MTUS2: variants seen among roughly 807,000 people sequenced by gnomAD.
MTUS2 encodes microtubule associated scaffold protein 2, also known as microtubule-associated tumor suppressor candidate 2.
MTUS2 carries 40 observed loss-of-function variants against 114.1 expected under a neutral mutation model. The observed-to-expected ratio is 0.35, with a 90% CI of 0.27 to 0.46. The LOEUF is 0.46. Ranked by LOEUF, MTUS2 falls within the 20% of genes least tolerant of loss-of-function variation. The pLI is 1.00. For missense variants in MTUS2, 1,679 were observed against 1,705.4 expected (o/e 0.98, Z 0.27); for synonymous variants, 688 against 672.0 (o/e 1.02, Z -0.37).
chr13:29,128,659 T>G (rs1891621675), intron 5 of MTUS2, among the ~76,000 whole-genome samples: 1 of 152,168 alleles, frequency 6.6e-6, no homozygotes, highest in Non-Finnish European at 1.5e-5. Flanking sequence ...ATGGTGGCAT[T>G]TGGGGTAATT....
chr13:29,147,995 T>A (rs1271050565), intron 5 of MTUS2, among the ~76,000 whole-genome samples: 1 of 152,226 alleles, frequency 6.6e-6, no homozygotes, highest in Non-Finnish European at 1.5e-5. Context: ...AGTTCTGTTT[T>A]CAGTTCTTTG....
chr13:29,084,789 C>CCG (rs1565999317), intron 4 of MTUS2, among the ~76,000 whole-genome samples: 1 of 113,186 alleles, frequency 8.8e-6, no homozygotes, highest in Admixed American at 8.6e-5. Flanking sequence ...CCACCCCCCC[C>CCG]CCTCACCGTT....
chr13:29,108,743 A>G (rs992540395), intron 5 of MTUS2, among the ~76,000 whole-genome samples: 1 of 152,216 alleles, frequency 6.6e-6, no homozygotes, highest in African/African-American at 2.4e-5. Context: ...GGAAGGGGGA[A>G]GTATCCATGC....
chr13:29,304,678 GA>G (rs1196540838), intron 6 of MTUS2, among the ~76,000 whole-genome samples: 2 of 152,066 alleles, frequency 1.3e-5, no homozygotes, highest in African/African-American at 4.8e-5. Context: ...AACTCCCACA[GA>G]ATAATAGTGG....
rs535820908 is a variant in MTUS2 at position 28,927,386 on chromosome 13, C to A, written c.-243+87536C>A. On this transcript the variant is annotated intron_variant, in intron 2 of 15. Transcript: ENST00000612955. ...GACCACCCTGGGCAACATAGCAGGA[C>A]CCTGTCTCTAAAAAAAAAGAAAAGA... 2.6e-5 allele frequency among the ~76,000 whole-genome samples: 4 copies of A among 151,846 alleles called. No individual in the cohort carries two copies. The South Asian group carries it at 8.3e-4, about 32-fold the overall frequency.
chr13:28,909,233 A>C (rs1192505070), intron 2 of MTUS2, among the ~76,000 whole-genome samples: 1 of 151,446 alleles, frequency 6.6e-6, no homozygotes, highest in Non-Finnish European at 1.5e-5. Flanking sequence ...GTAGCAAGTC[A>C]TTGGTAGCTT....
intron 4 of MTUS2, among the ~76,000 whole-genome samples, chr13:29,068,433 A>G (rs1888760342): frequency 6.9e-6 from 1 of 144,680 alleles, no homozygotes; most frequent in Admixed American, 7.1e-5. Context: ...CACAGGTGTA[A>G]TAAATATTTC....
intron 4 of MTUS2, among the ~76,000 whole-genome samples, chr13:29,083,356 G>C (rs1296057328): frequency 6.6e-6 from 1 of 152,192 alleles, no homozygotes; most frequent in Non-Finnish European, 1.5e-5. Context: ...GTTGAGTGCA[G>C]TTAAGACCTT....
At chr13:29,229,045 C>T (rs1896221214) in intron 5 of MTUS2, among the ~76,000 whole-genome samples, 1 of 152,120 alleles carries the variant, frequency 6.6e-6, no homozygotes, top group Non-Finnish European at 1.5e-5. Flanking sequence ...GTTGATTCTG[C>T]CATGAAGTTA....
At chr13:29,494,682 A>G (rs2138992788) in intron 12 of MTUS2, among the ~76,000 whole-genome samples, 2 of 152,228 alleles carry the variant, frequency 1.3e-5, no homozygotes, top group South Asian at 2.1e-4. Context: ...CCTGCGGCGT[A>G]CTGCACTAAT....
chr13:29,224,506 C>T (rs574769655), intron 5 of MTUS2, among the ~76,000 whole-genome samples: 1 of 151,832 alleles, frequency 6.6e-6, no homozygotes, highest in Admixed American at 6.6e-5. Context: ...CTTTTATTTC[C>T]AAAAATTCTA....
At chr13:28,965,181 C>G (rs907967647) in intron 2 of MTUS2, among the ~76,000 whole-genome samples, 5 of 152,174 alleles carry the variant, frequency 3.3e-5, no homozygotes, top group Admixed American at 1.3e-4. Context: ...TTATAATTTA[C>G]AAAGTTCTTT....
At chr13:28,932,220 G>A (rs943414291) in intron 2 of MTUS2, among the ~76,000 whole-genome samples, 2 of 152,164 alleles carry the variant, frequency 1.3e-5, no homozygotes, top group African/African-American at 4.8e-5. Context: ...TCTTTGGAAC[G>A]GACAATTGTG....
At chr13:28,904,706 CT>C (rs1158048195) in intron 2 of MTUS2, among the ~76,000 whole-genome samples, 2 of 152,120 alleles carry the variant, frequency 1.3e-5, no homozygotes, top group African/African-American at 4.8e-5. Context: ...CAGCTTTGTT[CT>C]TTTGGCTTAG....
intron 6 of MTUS2, among the ~76,000 whole-genome samples, chr13:29,285,620 G>A (rs78393384): frequency 0.15 from 23,480 of 152,108 alleles, 1,881 homozygotes; most frequent in Non-Finnish European, 0.16. Flanking sequence ...AACACCATGA[G>A]GATTGAATCA....
chr13:28,820,187 G>A (rs1295622204), upstream of MTUS2, among the ~76,000 whole-genome samples: 2 of 146,670 alleles, frequency 1.4e-5, no homozygotes, highest in African/African-American at 2.4e-5. Context: ...CGGCCGCGGC[G>A]GAGCCGGGAG....
At chr13:29,498,203 TC>T (rs1882673276) in intron 13 of MTUS2, among the ~76,000 whole-genome samples, 1 of 152,148 alleles carries the variant, frequency 6.6e-6, no homozygotes, top group Non-Finnish European at 1.5e-5. Context: ...TCTCACCTGT[TC>T]CCCCACAGAA....
At chr13:28,827,099 T>A (rs9550402) in intron 1 of MTUS2, among the ~76,000 whole-genome samples, 37,837 of 152,186 alleles carry the variant, frequency 0.25, 5,352 homozygotes, top group East Asian at 0.39. Context: ...TTTTTTTGCT[T>A]CTAATTCTTA....
Position 28,973,896 on chromosome 13 carries a change from G to A in MTUS2, c.-242-50561G>A, listed in dbSNP as rs115910270. ...AGAATTGATGGTGCTCTCTGCTGTC[G>A]GGTATGTGATGTGTTGCACTTAGGG... On this transcript the variant is annotated intron_variant, in intron 2 of 15. Transcript: ENST00000612955. 4.8e-3 allele frequency among the ~76,000 whole-genome samples: 732 copies of A among 152,292 alleles called. 3 individuals are homozygous for A. Among genetic ancestry groups the A allele is most frequent in the African/African-American group, 0.017 (686 of 41,546 alleles).
Sources: allele counts gnomAD v4.1 joint callset (sites outside exome capture counted in the v4.1 genomes callset), GRCh38; gene constraint gnomAD v4.1.1; transcripts MANE v1.5; gene names NCBI Gene and HGNC (gene_info 2026-07-23, HGNC 2026-07-21).